The following SPATA16 variants were observed in gnomAD, a reference collection of about 807,000 sequenced individuals.
SPATA16 encodes the protein spermatogenesis-associated protein 16.
SPATA16 carries 36 observed loss-of-function variants against 63.3 expected under a neutral mutation model. That is an observed-to-expected ratio of 0.57 (90% CI 0.44 to 0.75). The LOEUF (loss-of-function observed/expected upper bound fraction) is 0.75, where lower values mean the gene tolerates loss of function less well. SPATA16 is among the 30% of genes least tolerant of loss of function. The pLI, the probability that SPATA16 is intolerant of heterozygous loss-of-function variation, is 0.00. For missense variants in SPATA16, 646 were observed against 679.3 expected (o/e 0.95, Z 0.54); for synonymous variants, 203 against 216.7 (o/e 0.94, Z 0.56).
chr3:173,125,304 A>G (rs1738198514), intron 1 of SPATA16, among the ~76,000 whole-genome samples: 1 of 152,062 alleles, frequency 6.6e-6, no homozygotes, highest in Non-Finnish European at 1.5e-5. Flanking sequence ...ACCCTCCTCC[A>G]GGGCCCATGA....
chr3:172,976,899 ACC>A, intron 5 of SPATA16, 67 bp downstream of exon 5: 1 of 1,268,562 alleles, frequency 7.9e-7, no homozygotes. Context: ...TCTTTTAAGC[ACC>A]AATCTTTCAT....
intron 2 of SPATA16, among the ~76,000 whole-genome samples, chr3:173,090,151 A>G (rs2108318912): frequency 6.6e-6 from 1 of 152,316 alleles, no homozygotes; most frequent in African/African-American, 2.4e-5. Flanking sequence ...TGATTGGATC[A>G]TGAGGTCAGA....
chr3:173,040,471 A>G lies in SPATA16; in HGVS notation c.758+8478T>C, dbSNP rs185526321. 3.9e-4 allele frequency among the ~76,000 whole-genome samples: 59 copies of G among 152,300 alleles called. 1 individual carries two copies. In the East Asian group the frequency reaches 0.011, roughly 28 times the overall value. ...GTGATTTAAAAGTTGTGTTGTGTCA[A>G]TATTGTAAAATAGACTTGCTAAATG... On this transcript the variant is annotated intron_variant, in intron 3 of 10. Coordinates refer to ENST00000351008, the MANE Select transcript of SPATA16 (RefSeq NM_031955.6).
intron 4 of SPATA16, among the ~76,000 whole-genome samples, chr3:173,010,468 GTGTT>G (rs1295480670): frequency 2.6e-5 from 4 of 151,060 alleles, no homozygotes; most frequent in African/African-American, 7.3e-5. Flanking sequence ...GTGTGTGTGT[GTGTT>G]TGTTTTTGTT....
intron 10 of SPATA16, among the ~76,000 whole-genome samples, chr3:172,908,693 A>G (rs191488650): frequency 1.1e-4 from 17 of 152,326 alleles, no homozygotes; most frequent in African/African-American, 1.7e-4. Context: ...AGGTTCTGCT[A>G]TAATTCTGCT....
At chr3:173,091,453 T>C (rs1396859198) in intron 2 of SPATA16, among the ~76,000 whole-genome samples, 1 of 152,154 alleles carries the variant, frequency 6.6e-6, no homozygotes, top group African/African-American at 2.4e-5. Context: ...CAAGTTAATA[T>C]TGGCTCTTGG....
At chr3:172,923,359 T>C (rs575306375) in intron 8 of SPATA16, among the ~76,000 whole-genome samples, 1 of 152,326 alleles carries the variant, frequency 6.6e-6, no homozygotes, top group Non-Finnish European at 1.5e-5. Flanking sequence ...TTTTAGCTTT[T>C]CCAAAATGCT....
At chr3:172,959,829 T>C (rs2108237148) in intron 5 of SPATA16, among the ~76,000 whole-genome samples, 1 of 147,112 alleles carries the variant, frequency 6.8e-6, no homozygotes, top group African/African-American at 2.5e-5. Context: ...TTTAGCATTA[T>C]TGGTATTGAA....
At chr3:172,917,906 C>A (rs1191067918) in intron 8 of SPATA16, among the ~76,000 whole-genome samples, 1 of 152,212 alleles carries the variant, frequency 6.6e-6, no homozygotes, top group Non-Finnish European at 1.5e-5. Context: ...CTGACATTTT[C>A]TCTAGAATCT....
At position 172,916,300 on chromosome 3, in the gene SPATA16, C is replaced by T. The variant is rs958516631; in HGVS notation, c.1503+17G>A. The T allele has an allele frequency of 2.5e-6, 4 of 1,605,624 alleles. No homozygotes were observed. Among genetic ancestry groups the T allele is most frequent in the Non-Finnish European group, 3.4e-6 (4 of 1,175,562 alleles). ...GCTCTGGGCCTATGAAACCCTTAAA[C>T]AAAGAAAAATACTTACCAATTCTGC... On this transcript the variant is annotated intron_variant, in intron 9 of 10. Coordinates refer to ENST00000351008, the MANE Select transcript of SPATA16 (RefSeq NM_031955.6).
At chr3:172,949,231 C>CAATAAATAAATAAATAAATA (rs148318425) in intron 6 of SPATA16, among the ~76,000 whole-genome samples, 80 of 151,656 alleles carry the variant, frequency 5.3e-4, no homozygotes, top group African/African-American at 1.9e-3. Context: ...CTACTAAAAG[C>CAATAAATAAATAAATAAATA]AATAAATAAA....
intron 1 of SPATA16, among the ~76,000 whole-genome samples, chr3:173,128,522 G>T (rs1487114091): frequency 6.6e-6 from 1 of 152,114 alleles, no homozygotes; most frequent in Admixed American, 6.5e-5. Context: ...CATGTCTGGG[G>T]TAATGCATAG....
intron 7 of SPATA16, among the ~76,000 whole-genome samples, chr3:172,924,612 C>T (rs1732686690): frequency 6.6e-6 from 1 of 152,146 alleles, no homozygotes; most frequent in Non-Finnish European, 1.5e-5. Context: ...TCTGTTTTTC[C>T]TGAGTTGTGA....
In SPATA16 at chr3:173,053,477, A is replaced by G. The variant is rs138338679; in HGVS notation, c.613-4383T>C. On this transcript the variant is annotated intron_variant, in intron 2 of 10. Coordinates refer to ENST00000351008, the MANE Select transcript of SPATA16 (RefSeq NM_031955.6). ...TTCTCAAAGTTCTTTTAAGAAATAA[A>G]TATCTAACTTACTTTTAGAAATTGT... Among the ~76,000 whole-genome samples, 5 of 152,326 alleles carry G rather than the reference A, an allele frequency of 3.3e-5. 1 individual carries two copies. The highest frequency in any genetic ancestry group is 1.2e-4 in the African/African-American group (5 of 41,568).
intron 3 of SPATA16, among the ~76,000 whole-genome samples, chr3:173,023,845 A>G (rs890993919): frequency 1.3e-5 from 2 of 151,458 alleles, no homozygotes; most frequent in African/African-American, 2.4e-5. Flanking sequence ...TCACATATCT[A>G]TGTATATGCA....
At chr3:173,051,201 TTA>T (rs1736082080) in intron 2 of SPATA16, among the ~76,000 whole-genome samples, 1 of 152,178 alleles carries the variant, frequency 6.6e-6, no homozygotes, top group Non-Finnish European at 1.5e-5. Flanking sequence ...TCAATTAATT[TTA>T]TCTTTTTCTT....
At chr3:173,130,180 T>G (rs1261394657) in intron 1 of SPATA16, among the ~76,000 whole-genome samples, 3 of 151,660 alleles carry the variant, frequency 2.0e-5, no homozygotes, top group Non-Finnish European at 4.4e-5. Context: ...GTCAACATGG[T>G]GAAACCCCAT....
rs1736027299 is a variant in SPATA16, at chr3:173,049,238, T to G, written c.613-144A>C. ...TTTGCGTATATGTTAAAAGTATATA[T>G]GATGCTTTTTCCAAACTACAAGTAA... On this transcript the variant is annotated intron_variant, in intron 2 of 10. Transcript: ENST00000351008. The G allele has an allele frequency of 1.2e-5, 9 of 776,292 alleles. No individual in the cohort carries two copies. In the East Asian group the frequency reaches 2.0e-4, roughly 17 times the overall value. 48.1% of individuals were successfully genotyped at this position (776,292 alleles called of 1,614,324 possible). A position where few individuals can be genotyped will look rare whatever the true frequency, so the allele number is the denominator to read the frequency against.
In SPATA16 at chr3:173,120,104, G is replaced by C. The variant is rs535689888; in HGVS notation, c.-18-2355C>G. Among the ~76,000 whole-genome samples, 276 of 151,306 alleles carry C rather than the reference G, an allele frequency of 1.8e-3. 1 individual carries two copies. Among genetic ancestry groups the C allele is most frequent in the African/African-American group, 6.5e-3 (266 of 41,196 alleles). The stretch of plus-strand genomic sequence containing the variant: ...CTCCATCTCAAAAAAAAAAAAAAGA[G>C]AGAGAAAAAAAGAAAGAAACATTGC... On this transcript the variant is annotated intron_variant, in intron 1 of 10. Transcript: ENST00000351008.
Sources: allele counts gnomAD v4.1 joint callset (sites outside exome capture counted in the v4.1 genomes callset), GRCh38; gene constraint gnomAD v4.1.1; transcripts MANE v1.5; gene names NCBI Gene and HGNC (gene_info 2026-07-23, HGNC 2026-07-21).